The following TBXAS1 variants were observed in gnomAD, a reference collection of about 807,000 sequenced individuals.
TBXAS1 encodes thromboxane A synthase 1.
In TBXAS1, 48 loss-of-function variants were observed where a neutral mutation model predicts 60.7. The ratio of observed to expected loss-of-function variants is 0.79; its 90% CI spans 0.63 to 1.01. The LOEUF (loss-of-function observed/expected upper bound fraction) is 1.01, where lower values mean the gene tolerates loss of function less well. Among genes scored for constraint, TBXAS1 ranks in the 50% least tolerant of loss-of-function variants. The pLI, the probability that TBXAS1 is intolerant of heterozygous loss-of-function variation, is 0.00. For synonymous variants in TBXAS1, 287 were observed against 269.7 expected (o/e 1.06, Z -0.63); for missense variants, 685 against 686.3 (o/e 1.00, Z 0.02).
chr7:140,012,462 C>CT (rs879886189), intron 10 of TBXAS1, among the ~76,000 whole-genome samples: 3,311 of 143,652 alleles, frequency 0.023, 122 homozygotes, highest in African/African-American at 0.076. Context: ...GTAACCAGAA[C>CT]TTTTTTTTTT....
Position 139,975,705 on chromosome 7 carries a change from A to G in TBXAS1, c.1134+13472A>G, listed in dbSNP as rs1404775511. On this transcript the variant is annotated intron_variant, in intron 9 of 12. Transcript: ENST00000448866. This position sits in a 1 kb window ranked among gnomAD's most constrained non-coding sequence, Gnocchi z 4.4. ...ATCCAGGCTCTGAGCCCTGAGGATA[A>G]TAAGTTTCCCTCGAAGGTCCTGGGT... 1.3e-5 allele frequency among the ~76,000 whole-genome samples: 2 copies of G among 152,186 alleles called. No homozygotes were observed. Among genetic ancestry groups the G allele is most frequent in the South Asian group, 2.1e-4 (1 of 4,826 alleles).
intron 4 of TBXAS1, among the ~76,000 whole-genome samples, chr7:139,790,954 C>G (rs1242090833): frequency 6.6e-6 from 1 of 152,142 alleles, no homozygotes; most frequent in Non-Finnish European, 1.5e-5. Context: ...AGGCACCCAC[C>G]ACCACACCCA....
chr7:139,783,314 C>T (rs1273520374), intron 3 of TBXAS1, among the ~76,000 whole-genome samples: 2 of 147,232 alleles, frequency 1.4e-5, no homozygotes, highest in African/African-American at 5.1e-5. Flanking sequence ...AAAAGCAAAG[C>T]GATGCCATAA....
chr7:139,835,103 G>A (rs951467091), intron 1 of TBXAS1, among the ~76,000 whole-genome samples: 3 of 140,572 alleles, frequency 2.1e-5, no homozygotes, highest in Non-Finnish European at 4.5e-5. Context: ...GTCTTGCTCT[G>A]TCGCCCAGGC....
upstream of TBXAS1, chr7:139,829,144 G>T: frequency 1.6e-6 from 1 of 632,230 alleles, no homozygotes; most frequent in Admixed American, 2.1e-5. Context: ...TATTGACAGT[G>T]CAGTCATCAA....
At chr7:139,805,708 T>TTTC (rs1554466245) in intron 4 of TBXAS1, among the ~76,000 whole-genome samples, 1 of 21,148 alleles carries the variant, frequency 4.7e-5, no homozygotes, top group African/African-American at 1.6e-4. Context: ...CTTTCTTTCT[T>TTTC]TCTTTCTCTC....
intron 1 of TBXAS1, among the ~76,000 whole-genome samples, chr7:139,859,741 C>T (rs1452403522): frequency 6.6e-6 from 1 of 152,100 alleles, no homozygotes; most frequent in Non-Finnish European, 1.5e-5. Context: ...GGCTTTCTTG[C>T]CCTGAAAAGT....
At chr7:139,953,477 A>G in intron 6 of TBXAS1, 21 bp downstream of exon 6, 2 of 1,609,724 alleles carry the variant, frequency 1.2e-6, no homozygotes, top group Non-Finnish European at 1.7e-6. Flanking sequence ...TGCATTACAG[A>G]TGAGAAATCG....
chr7:139,965,422 G>C (rs1810706581), intron 9 of TBXAS1, among the ~76,000 whole-genome samples: 1 of 152,180 alleles, frequency 6.6e-6, no homozygotes, highest in South Asian at 2.1e-4. Context: ...CTGGGACCCA[G>C]GAACCCGCAT....
chr7:140,019,909 TTTC>T, intron 12 of TBXAS1, 113 bp from the exon 13 acceptor site: 1 of 977,536 alleles, frequency 1.0e-6, no homozygotes, highest in Non-Finnish European at 1.6e-6. Context: ...TGCTCTCTGC[TTTC>T]TTCTTGTGTG....
chr7:139,907,375 A>G (rs757023570), intron 3 of TBXAS1, among the ~76,000 whole-genome samples: 4 of 152,188 alleles, frequency 2.6e-5, no homozygotes, highest in Non-Finnish European at 5.9e-5. Context: ...TAGAATAAAT[A>G]CCACTTGGTT....
rs138412598 is a variant in TBXAS1 at position 139,896,461 on chromosome 7, G to C, written c.237-14764G>C. Among the ~76,000 whole-genome samples, 36 of 152,268 alleles carry C rather than the reference G, an allele frequency of 2.4e-4. No individual in the cohort carries two copies. The East Asian group carries it at 6.6e-3, about 28-fold the overall frequency. On this transcript the variant is annotated intron_variant, in intron 3 of 12. Transcript: ENST00000448866. This position sits in a 1 kb window ranked among gnomAD's most constrained non-coding sequence, Gnocchi z 4.0. Reference sequence around the variant, plus strand: ...TTTCACAGCAAGAATGAAAGGCTGTGGTTCCCAAACTGTGTGCTGAGACAC... The same window carrying C: ...TTTCACAGCAAGAATGAAAGGCTGTCGTTCCCAAACTGTGTGCTGAGACAC...
intron 4 of TBXAS1, among the ~76,000 whole-genome samples, chr7:139,915,676 C>T (rs796515392): frequency 4.6e-5 from 7 of 152,266 alleles, no homozygotes; most frequent in African/African-American, 1.7e-4. Flanking sequence ...CATGAGGGAT[C>T]CATAGAGCAT....
chr7:139,802,928 C>A (rs188532076), intron 4 of TBXAS1, among the ~76,000 whole-genome samples: 4 of 152,334 alleles, frequency 2.6e-5, no homozygotes, highest in African/African-American at 9.6e-5. Flanking sequence ...TGATGCCTCC[C>A]CAGCCATGTG....
At chr7:139,859,446 T>A (rs1170035918) in intron 1 of TBXAS1, among the ~76,000 whole-genome samples, 1 of 151,536 alleles carries the variant, frequency 6.6e-6, no homozygotes, top group Non-Finnish European at 1.5e-5. Flanking sequence ...TACCTCGTGA[T>A]CCGCCCACCT....
chr7:139,798,294 A>T (rs1797622384), intron 4 of TBXAS1, among the ~76,000 whole-genome samples: 1 of 152,174 alleles, frequency 6.6e-6, no homozygotes, highest in Admixed American at 6.5e-5. Context: ...TGAGAAATGG[A>T]TGCCAAGGAG....
chr7:139,937,389 T>C (rs188793834), intron 5 of TBXAS1, among the ~76,000 whole-genome samples: 1 of 152,336 alleles, frequency 6.6e-6, no homozygotes, highest in Admixed American at 6.5e-5. Flanking sequence ...TGGTCCTGAT[T>C]GAATTCCTAT....
chr7:139,948,168 A>C (rs931851196), intron 5 of TBXAS1, among the ~76,000 whole-genome samples: 1 of 152,142 alleles, frequency 6.6e-6, no homozygotes, highest in Non-Finnish European at 1.5e-5. Context: ...CCAGGCCCAG[A>C]CATGTATTTT....
At chr7:139,912,226 C>A (rs960882397) in intron 4 of TBXAS1, among the ~76,000 whole-genome samples, 1 of 151,476 alleles carries the variant, frequency 6.6e-6, no homozygotes, top group Non-Finnish European at 1.5e-5. Context: ...CCAGCCTGGG[C>A]GACAGAGACG....
Sources: allele counts gnomAD v4.1 joint callset (sites outside exome capture counted in the v4.1 genomes callset), GRCh38; gene constraint gnomAD v4.1.1; non-coding constraint Gnocchi (gnomAD v3.1); transcripts MANE v1.5; gene names NCBI Gene and HGNC (gene_info 2026-07-23, HGNC 2026-07-21).